Variants in VPS13B observed in about 807,000 individuals in gnomAD.
VPS13B encodes vacuolar protein sorting 13 homolog B, also known as intermembrane lipid transfer protein VPS13B.
In VPS13B, 285 loss-of-function variants were observed where a neutral mutation model predicts 426.4. The ratio of observed to expected loss-of-function variants is 0.67; its 90% CI spans 0.61 to 0.74. VPS13B has a LOEUF of 0.74. Among genes scored for constraint, VPS13B ranks in the 30% least tolerant of loss-of-function variants. VPS13B has a pLI of 0.00. For synonymous variants in VPS13B, 1,676 were observed against 1,676.4 expected (o/e 1.00, Z 0.01); for missense variants, 4,537 against 4,782.6 (o/e 0.95, Z 1.51).
At chr8:99,422,155 CT>C (rs1282876967) in intron 21 of VPS13B, among the ~76,000 whole-genome samples, 1 of 152,122 alleles carries the variant, frequency 6.6e-6, no homozygotes, top group Non-Finnish European at 1.5e-5. Flanking sequence ...TTTTTACAAA[CT>C]TGACTATCAT....
chr8:99,268,165 C>T (rs147546669), intron 17 of VPS13B, among the ~76,000 whole-genome samples: 158 of 152,264 alleles, frequency 1.0e-3, no homozygotes, highest in African/African-American at 3.5e-3. Context: ...GCCTGGATGT[C>T]GACTCAGAAG....
intron 29 of VPS13B, among the ~76,000 whole-genome samples, chr8:99,513,729 G>A (rs983586951): frequency 2.6e-5 from 4 of 152,080 alleles, no homozygotes; most frequent in South Asian, 4.1e-4. Flanking sequence ...TTTAGAAGAC[G>A]AACCAAATGT....
chr8:99,274,391 T>C, intron 18 of VPS13B, 59 bp downstream of exon 18: 1 of 1,611,350 alleles, frequency 6.2e-7, no homozygotes, highest in Non-Finnish European at 8.5e-7. Context: ...TGGCCTTGCG[T>C]TTTACAAGGA....
At chr8:99,720,590 G>C (rs767311323) in intron 38 of VPS13B, 38 bp downstream of exon 38, 1 of 1,590,544 alleles carries the variant, frequency 6.3e-7, no homozygotes, top group Non-Finnish European at 8.6e-7. Flanking sequence ...GTGTCTCTGT[G>C]CATGTGGTTG....
intron 25 of VPS13B, among the ~76,000 whole-genome samples, chr8:99,491,900 C>T (rs1051131611): frequency 6.6e-6 from 1 of 152,156 alleles, no homozygotes; most frequent in African/African-American, 2.4e-5. Context: ...CAGTTTTGTT[C>T]CATTGCTGGC....
chr8:99,484,177 GA>G (rs1250600636), intron 25 of VPS13B, among the ~76,000 whole-genome samples: 1 of 151,978 alleles, frequency 6.6e-6, no homozygotes, highest in Non-Finnish European at 1.5e-5. Context: ...TAAGAAAGGG[GA>G]AAATTTTGCT....
intron 16 of VPS13B, among the ~76,000 whole-genome samples, chr8:99,175,096 A>G (rs1812556712): frequency 6.6e-6 from 1 of 152,228 alleles, no homozygotes; most frequent in Non-Finnish European, 1.5e-5. Flanking sequence ...AGATAAATGA[A>G]AAAACCCATT....
At chr8:99,248,863 C>A (rs1023550406) in intron 17 of VPS13B, among the ~76,000 whole-genome samples, 4 of 152,150 alleles carry the variant, frequency 2.6e-5, no homozygotes, top group African/African-American at 7.2e-5. Context: ...GCTTCTCCCC[C>A]ACTCCCAAGC....
chr8:99,842,611 C>T (rs1815763375), intron 54 of VPS13B, among the ~76,000 whole-genome samples: 1 of 152,022 alleles, frequency 6.6e-6, no homozygotes, highest in Non-Finnish European at 1.5e-5. Flanking sequence ...CAAAACCCGT[C>T]TCTATTTTTT....
At position 99,823,917 on chromosome 8, in the gene VPS13B, C is replaced by T. The variant is rs765671218; in HGVS notation, c.9269C>T (p.Thr3090Ile). 3.1e-6 allele frequency: 5 copies of T among 1,613,306 alleles called. No homozygotes were observed. The highest frequency in any genetic ancestry group is 4.2e-6 in the Non-Finnish European group (5 of 1,179,760). Residue 3090 changes from threonine to isoleucine, a missense_variant, in exon 51 of 62, where the codon ACA becomes ATA. By Grantham distance (89) the Thr-to-Ile change is moderately conservative. Around this residue, in one of 2 missense-constraint regions of VPS13B, gnomAD observed 4,311 missense variants for 4,474.3 expected, o/e 0.96. Coordinates refer to ENST00000357162, the MANE Select transcript of VPS13B (RefSeq NM_152564.5). The stretch of plus-strand genomic sequence containing the variant: ...GACAAGACTACAATAATCAATAATA[C>T]ACCATATCAAATATTTTATAAACCA... The part of the protein sequence containing the change: ...IEDKTTIINN[T>I]PYQIFYKPQL...
chr8:99,603,070 G>A (rs1827397822), intron 33 of VPS13B, among the ~76,000 whole-genome samples: 1 of 152,100 alleles, frequency 6.6e-6, no homozygotes, highest in Non-Finnish European at 1.5e-5. Flanking sequence ...AATGTCAGTG[G>A]GAAGAATCCA....
chr8:99,738,762 A>G (rs966941285), intron 39 of VPS13B, among the ~76,000 whole-genome samples: 15 of 152,234 alleles, frequency 9.9e-5, no homozygotes, highest in African/African-American at 3.1e-4. Flanking sequence ...TACAATCAAC[A>G]TAGACCAATA....
At chr8:99,332,164 C>T (rs1810578123) in intron 19 of VPS13B, among the ~76,000 whole-genome samples, 1 of 151,542 alleles carries the variant, frequency 6.6e-6, no homozygotes, top group South Asian at 2.1e-4. Context: ...GTTCTGACAT[C>T]CAAAACTATA....
At chr8:99,194,882 T>C (rs1813820301) in intron 17 of VPS13B, among the ~76,000 whole-genome samples, 1 of 152,196 alleles carries the variant, frequency 6.6e-6, no homozygotes, top group Non-Finnish European at 1.5e-5. Flanking sequence ...AGCCTTGCTC[T>C]GTTGCCAGGC....
chr8:99,190,666 G>T (rs778372915), intron 16 of VPS13B, among the ~76,000 whole-genome samples: 1 of 151,900 alleles, frequency 6.6e-6, no homozygotes, highest in Non-Finnish European at 1.5e-5. Context: ...ATGTTATACT[G>T]TGTCATACAT....
intron 26 of VPS13B, among the ~76,000 whole-genome samples, chr8:99,502,349 T>G (rs1821293682): frequency 6.6e-6 from 1 of 152,210 alleles, no homozygotes; most frequent in African/African-American, 2.4e-5. Flanking sequence ...AAATATTAAA[T>G]GTAATTTATT....
chr8:99,738,494 A>G (rs1833934144), intron 39 of VPS13B, among the ~76,000 whole-genome samples: 2 of 152,256 alleles, frequency 1.3e-5, no homozygotes, highest in Non-Finnish European at 1.5e-5. Flanking sequence ...ATTCTTTTGA[A>G]CACATTAAGA....
intron 31 of VPS13B, among the ~76,000 whole-genome samples, chr8:99,571,028 T>C (rs1825447742): frequency 6.6e-6 from 1 of 152,200 alleles, no homozygotes; most frequent in African/African-American, 2.4e-5. Flanking sequence ...TTCTTATTCT[T>C]TCCTGTTTCT....
intron 11 of VPS13B, 101 bp downstream of exon 11, chr8:99,135,834 T>C: frequency 6.8e-7 from 1 of 1,478,962 alleles, no homozygotes; most frequent in Non-Finnish European, 9.3e-7. Context: ...TAATGCCTTC[T>C]GAATGCTAAT....
Sources: gnomAD v4.1 joint callset for allele counts (sites outside exome capture counted in the v4.1 genomes callset) on GRCh38, gnomAD v4.1.1 for gene constraint, gnomAD v4.1.1 regional missense constraint, MANE v1.5 for transcripts, NCBI Gene and HGNC (gene_info 2026-07-23, HGNC 2026-07-21) for gene names.